Variants in NSG2 observed in about 807,000 individuals in gnomAD.
NSG2 encodes the protein neuronal vesicle trafficking-associated protein 2.
Under a neutral mutation model 16.9 loss-of-function variants are expected in NSG2, and 4 were observed. That is an observed-to-expected ratio of 0.24 (90% CI 0.12 to 0.54). The LOEUF is 0.54. Among genes scored for constraint, NSG2 ranks in the 20% least tolerant of loss-of-function variants. The pLI is 0.95. For missense variants in NSG2, 179 were observed against 221.1 expected, an observed-to-expected ratio of 0.81 and a Z score of 1.21; for synonymous variants, 98 against 88.7, an observed-to-expected ratio of 1.11 and a Z score of -0.59.
intron 3 of NSG2, among the ~76,000 whole-genome samples, chr5:174,090,581 C>A (rs2113465217): frequency 6.6e-6 from 1 of 152,312 alleles, no homozygotes; most frequent in Non-Finnish European, 1.5e-5. Context: ...GCCAAGGGGC[C>A]AGTCTTGCAT....
chr5:174,099,199 A>G (rs766119331), intron 3 of NSG2, among the ~76,000 whole-genome samples: 23 of 152,122 alleles, frequency 1.5e-4, no homozygotes, highest in Non-Finnish European at 2.4e-4. Flanking sequence ...ACCTGCCTGT[A>G]GGAAATCTCG....
intron 3 of NSG2, among the ~76,000 whole-genome samples, chr5:174,076,289 T>C (rs927423936): frequency 8.6e-5 from 13 of 151,940 alleles, no homozygotes; most frequent in Non-Finnish European, 1.3e-4. Context: ...AAATGAAAAA[T>C]GAAAATGCTA....
At position 174,095,150 on chromosome 5, in the gene NSG2, G is replaced by A. The variant is rs553122078; in HGVS notation, c.214-9078G>A. On this transcript the variant is annotated intron_variant, in intron 3 of 4. Coordinates refer to ENST00000303177, the MANE Select transcript of NSG2 (RefSeq NM_015980.5). The stretch of plus-strand genomic sequence containing the variant: ...GCAGTTCATACGGCAGTCTTCCTGA[G>A]TGGTTGGAGCTTTTGAAGTGCATGC... Among the ~76,000 whole-genome samples the A allele has an allele frequency of 4.3e-4, 66 of 152,340 alleles. 1 individual carries two copies. The South Asian group carries it at 0.013, about 30-fold the overall frequency.
intron 3 of NSG2, chr5:174,091,140 T>A (rs1296328901): frequency 6.6e-6 from 1 of 151,226 alleles, no homozygotes; most frequent in Non-Finnish European, 1.5e-5. Flanking sequence ...GCCGGGCTCA[T>A]GTCTCCATGG....
chr5:174,099,823 C>T (rs1760871411), intron 3 of NSG2, among the ~76,000 whole-genome samples: 1 of 152,028 alleles, frequency 6.6e-6, no homozygotes, highest in Admixed American at 6.5e-5. Context: ...CCTGATGCCC[C>T]CGCCCCCAGG....
At chr5:174,061,234 G>C (rs1760045636) in intron 2 of NSG2, among the ~76,000 whole-genome samples, 1 of 152,088 alleles carries the variant, frequency 6.6e-6, no homozygotes, top group Non-Finnish European at 1.5e-5. Flanking sequence ...TGGATTAAGA[G>C]AAATAATCAG....
intron 3 of NSG2, among the ~76,000 whole-genome samples, chr5:174,091,687 C>A (rs1339050656): frequency 8.9e-6 from 1 of 112,620 alleles, no homozygotes; most frequent in African/African-American, 3.4e-5. Flanking sequence ...GTGTGTGTGT[C>A]TGGGGCAGGA....
intron 3 of NSG2, among the ~76,000 whole-genome samples, chr5:174,095,306 GA>G (rs1435321212): frequency 1.3e-5 from 2 of 152,190 alleles, no homozygotes; most frequent in African/African-American, 4.8e-5. Context: ...CTGTGCGGCT[GA>G]ATGCAACAGA....
chr5:174,052,002 A>G (rs953946762), intron 2 of NSG2, among the ~76,000 whole-genome samples: 1 of 152,086 alleles, frequency 6.6e-6, no homozygotes, highest in Non-Finnish European at 1.5e-5. Context: ...TTCAAAAGGT[A>G]TTTAAAGCAG....
At position 174,065,920 on chromosome 5, in the gene NSG2, C is replaced by T. The variant is rs75137412; in HGVS notation, c.213+1605C>T. Among the ~76,000 whole-genome samples, 1,384 of 152,290 alleles carry T rather than the reference C, an allele frequency of 9.1e-3. 17 individuals carry two copies. The highest frequency in any genetic ancestry group is 0.066 in the East Asian group (341 of 5,194). ...CAAAGCACTTGGATCTGTATAAGTG[C>T]GCAATAGTAGCCTTTTTATGTCAAC... On this transcript the variant is annotated intron_variant, in intron 3 of 4. Coordinates refer to ENST00000303177, the MANE Select transcript of NSG2 (RefSeq NM_015980.5).
intron 3 of NSG2, among the ~76,000 whole-genome samples, chr5:174,070,549 T>C (rs1371866951): frequency 6.6e-6 from 1 of 152,176 alleles, no homozygotes; most frequent in Non-Finnish European, 1.5e-5. Flanking sequence ...GTTATTAATA[T>C]TGGTTCTGGT....
intron 3 of NSG2, among the ~76,000 whole-genome samples, chr5:174,097,982 C>CCT (rs1440568656): frequency 1.3e-5 from 2 of 152,050 alleles, no homozygotes; most frequent in Non-Finnish European, 2.9e-5. Context: ...AAGGGTGCGA[C>CCT]TCGCTTGCTG....
At chr5:174,100,871 T>G (rs773587799) in intron 3 of NSG2, among the ~76,000 whole-genome samples, 1 of 152,254 alleles carries the variant, frequency 6.6e-6, no homozygotes, top group Non-Finnish European at 1.5e-5. Context: ...CAGCCCTGTC[T>G]GGGCACGTCC....
intron 3 of NSG2, among the ~76,000 whole-genome samples, chr5:174,076,925 A>G (rs753559865): frequency 2.0e-5 from 3 of 152,216 alleles, no homozygotes; most frequent in Non-Finnish European, 4.4e-5. Flanking sequence ...CGCTGGGTCT[A>G]AAACCAGAAA....
intron 3 of NSG2, among the ~76,000 whole-genome samples, chr5:174,102,376 T>G (rs973700710): frequency 2.0e-5 from 3 of 152,220 alleles, no homozygotes; most frequent in Non-Finnish European, 4.4e-5. Context: ...TTAATTTTAC[T>G]CTTTTTCTGA....
chr5:174,079,601 C>T (rs575642393), intron 3 of NSG2, among the ~76,000 whole-genome samples: 1 of 152,248 alleles, frequency 6.6e-6, no homozygotes, highest in African/African-American at 2.4e-5. Flanking sequence ...TTTTTGGGTT[C>T]TTATTGCCTG....
intron 2 of NSG2, among the ~76,000 whole-genome samples, chr5:174,049,827 A>G (rs564021229): frequency 1.3e-5 from 2 of 152,346 alleles, no homozygotes; most frequent in South Asian, 2.1e-4. Context: ...GAATCTTTAC[A>G]AGAGTAATTA....
chr5:174,087,077 T>A (rs1288997688), intron 3 of NSG2, among the ~76,000 whole-genome samples: 1 of 152,206 alleles, frequency 6.6e-6, no homozygotes, highest in Non-Finnish European at 1.5e-5. Flanking sequence ...TTATTGCTCA[T>A]ATAAAGTTTG....
intron 2 of NSG2, among the ~76,000 whole-genome samples, chr5:174,055,063 A>C (rs527285126): frequency 1.3e-5 from 2 of 152,340 alleles, no homozygotes; most frequent in East Asian, 3.9e-4. Context: ...TAGTCCCAGA[A>C]ACAGGTTCCC....
Sources: gnomAD v4.1 joint callset for allele counts (sites outside exome capture counted in the v4.1 genomes callset) on GRCh38, gnomAD v4.1.1 for gene constraint, MANE v1.5 for transcripts, NCBI Gene and HGNC (gene_info 2026-07-23, HGNC 2026-07-21) for gene names.